Variants in COMMD7 observed in about 807,000 individuals in gnomAD.
COMMD7 encodes COMM domain-containing protein 7.
COMMD7 carries 28 observed loss-of-function variants against 34.8 expected under a neutral mutation model. The ratio of observed to expected loss-of-function variants is 0.80; its 90% CI spans 0.60 to 1.10. The LOEUF is 1.10. Ranked by LOEUF, COMMD7 falls within the 50% of genes least tolerant of loss-of-function variation. The pLI, the probability that COMMD7 is intolerant of heterozygous loss-of-function variation, is 0.00. For synonymous variants in COMMD7, 80 were observed against 86.4 expected (o/e 0.93, Z 0.41); for missense variants, 211 against 241.6 (o/e 0.87, Z 0.84).
At chr20:32,743,237 T>TCCCCCCCCC in intron 1 of COMMD7, 71 bp downstream of exon 1, 7 of 526,954 alleles carry the variant, frequency 1.3e-5, no homozygotes, top group Non-Finnish European at 2.2e-5. Context: ...CCCCCGGACG[T>TCCCCCCCCC]CCCCCCCACC....
intron 1 of COMMD7, among the ~76,000 whole-genome samples, chr20:32,735,174 G>T (rs979122128): frequency 3.3e-5 from 5 of 150,706 alleles, no homozygotes; most frequent in Non-Finnish European, 7.4e-5. Flanking sequence ...GGAGGCAGAG[G>T]TTGCAGTGAG....
chr20:32,717,693 C>T (rs909324314), intron 3 of COMMD7, among the ~76,000 whole-genome samples: 3 of 151,982 alleles, frequency 2.0e-5, no homozygotes, highest in Admixed American at 1.3e-4. Flanking sequence ...AACTCCTGGC[C>T]TCAAGAGATT....
intron 3 of COMMD7, among the ~76,000 whole-genome samples, chr20:32,716,982 C>T (rs909062005): frequency 6.6e-6 from 1 of 152,046 alleles, no homozygotes; most frequent in Non-Finnish European, 1.5e-5. Flanking sequence ...CAGGTGCCCA[C>T]CAACATGCTC....
Position 32,724,305 on chromosome 20 carries a change from CGGGA to C in COMMD7, c.241+3584_241+3587del, listed in dbSNP as rs1985384499. ...CCCCCGACCGGCCAGCCGCCCCGTC[CGGGA>C]GGGAGGTGGGGGGGTCAGCCCCCCG... is the stretch of plus-strand genomic sequence containing the variant. On this transcript the variant is annotated intron_variant, in intron 3 of 8. Coordinates refer to ENST00000278980, the MANE Select transcript of COMMD7 (RefSeq NM_053041.3). Among the ~76,000 whole-genome samples, 3 of 20,312 alleles carry C rather than the reference CGGGA, an allele frequency of 1.5e-4. 1 individual carries two copies. Among genetic ancestry groups the C allele is most frequent in the Admixed American group, 8.7e-4 (3 of 3,464 alleles). 13.3% of individuals were successfully genotyped at this position (20,312 alleles called of 152,430 possible). A position where few individuals can be genotyped will look rare whatever the true frequency, so the allele number is the denominator to read the frequency against.
Position 32,728,006 on chromosome 20 carries a change from A to C in COMMD7, c.139-11T>G. On this transcript the variant is annotated splice_polypyrimidine_tract_variant and intron_variant, in intron 2 of 8. Coordinates refer to ENST00000278980, the MANE Select transcript of COMMD7 (RefSeq NM_053041.3). ...CAGAAATCTTTCCACCTGCAGAGAG[A>C]GAACAGTGAAAACCCGGGCCTTCAC... The C allele has an allele frequency of 1.9e-6, 3 of 1,613,456 alleles. No homozygotes were observed. Among genetic ancestry groups the C allele is most frequent in the Non-Finnish European group, 2.5e-6 (3 of 1,179,438 alleles).
chr20:32,717,902 T>C (rs953373872), intron 3 of COMMD7, among the ~76,000 whole-genome samples: 1 of 151,140 alleles, frequency 6.6e-6, no homozygotes, highest in East Asian at 1.9e-4. Flanking sequence ...CTGGCTGACA[T>C]GGTAAAACCC....
At chr20:32,733,007 G>A (rs955224953) in intron 1 of COMMD7, among the ~76,000 whole-genome samples, 4 of 151,150 alleles carry the variant, frequency 2.6e-5, no homozygotes, top group Admixed American at 6.6e-5. Context: ...TGGCTGAGGC[G>A]GGCGGATCAC....
Position 32,743,297 on chromosome 20 carries a change from G to T in COMMD7, c.84+11C>A. The T allele has an allele frequency of 1.6e-6, 2 of 1,243,232 alleles. No individual in the cohort carries two copies. Among genetic ancestry groups the T allele is most frequent in the Admixed American group, 2.7e-5 (1 of 37,576 alleles). 77.0% of individuals were successfully genotyped at this position (1,243,232 alleles called of 1,614,324 possible). On this transcript the variant is annotated intron_variant, in intron 1 of 8. Coordinates refer to ENST00000278980, the MANE Select transcript of COMMD7 (RefSeq NM_053041.3). ...TGGGCCCCGCGCCCCACGCCCCGCC[G>T]CCGGGCCCACCTGCGCGCCCAGCTG...
intron 1 of COMMD7, 33 bp downstream of exon 1, chr20:32,743,255 CGGATCCTGGAATCACCTGGG>C: frequency 7.8e-7 from 1 of 1,285,610 alleles, no homozygotes; most frequent in Non-Finnish European, 1.1e-6. Context: ...ACCCCAGGCC[CGGATCCTGGAATCACCTGGG>C]CCCCGCGCCC....
chr20:32,718,353 G>C (rs11696729), intron 3 of COMMD7, among the ~76,000 whole-genome samples: 41,277 of 151,138 alleles, frequency 0.27, 6,243 homozygotes, highest in Middle Eastern at 0.39. Flanking sequence ...GCAGTGAACC[G>C]AGTTTGCGCC....
At chr20:32,727,868 A>C in intron 3 of COMMD7, 25 bp downstream of exon 3, 10 of 1,503,880 alleles carry the variant, frequency 6.6e-6, no homozygotes, top group Non-Finnish European at 8.3e-6. Flanking sequence ...GTCTCTGGCC[A>C]CAGCTGCTAA....
In COMMD7 at chr20:32,743,441, G is replaced by A; in HGVS notation, c.-50C>T. 8.0e-7 allele frequency: 1 copy of A among 1,245,088 alleles called. No homozygotes were observed. The highest frequency in any genetic ancestry group is 2.4e-5 in the South Asian group (1 of 42,220). 77.1% of individuals were successfully genotyped at this position (1,245,088 alleles called of 1,614,324 possible). On this transcript the variant is annotated 5_prime_UTR_variant, in exon 1 of 9. Transcript: ENST00000278980. The stretch of plus-strand genomic sequence containing the variant: ...TCCACCGCCGCCGCCGCCCTGCTCA[G>A]CTTCCTCCTCCGCTGCCGCTGCCAC...
rs1285332781 is a variant in COMMD7, at chr20:32,704,505, A to T, written c.428-16T>A. On this transcript the variant is annotated splice_polypyrimidine_tract_variant and intron_variant, in intron 6 of 8. Transcript: ENST00000278980. ...CCAGATGTCACTGTGACAAAAAAAA[A>T]AAAAAAGAGAGAGAGAGAGAGAAAT... 4 of 1,600,108 alleles carry T rather than the reference A, an allele frequency of 2.5e-6. No individual in the cohort carries two copies. In the African/African-American group the frequency reaches 5.4e-5, roughly 22 times the overall value.
chr20:32,716,084 C>T (rs1984758584), intron 3 of COMMD7, among the ~76,000 whole-genome samples: 1 of 152,102 alleles, frequency 6.6e-6, no homozygotes, highest in African/African-American at 2.4e-5. Context: ...AGTAAGCAAG[C>T]ACAGAAGGGC....
chr20:32,711,525 C>T (rs1984447841), intron 3 of COMMD7, among the ~76,000 whole-genome samples: 1 of 151,984 alleles, frequency 6.6e-6, no homozygotes, highest in Admixed American at 6.6e-5. Context: ...GTTCTTTCTA[C>T]ACCAGGTCAT....
chr20:32,724,944 AT>A (rs1985417230), intron 3 of COMMD7, among the ~76,000 whole-genome samples: 1 of 125,222 alleles, frequency 8.0e-6, no homozygotes, highest in Non-Finnish European at 1.7e-5. Flanking sequence ...CAATAAAAAA[AT>A]AAATTTAAAA....
chr20:32,726,392 T>C (rs1985515830), intron 3 of COMMD7, among the ~76,000 whole-genome samples: 2 of 151,554 alleles, frequency 1.3e-5, no homozygotes, highest in African/African-American at 2.4e-5. Context: ...CGAGACTCCG[T>C]CTCAAAAAAA....
At chr20:32,708,656 CT>C (rs34027862) in intron 3 of COMMD7, among the ~76,000 whole-genome samples, 71 of 135,508 alleles carry the variant, frequency 5.2e-4, no homozygotes, top group Admixed American at 1.1e-3. Flanking sequence ...ATTATTGTAA[CT>C]TTTTTTTTTT....
intron 1 of COMMD7, among the ~76,000 whole-genome samples, chr20:32,734,041 C>T (rs531692915): frequency 1.1e-4 from 16 of 151,414 alleles, no homozygotes; most frequent in East Asian, 3.9e-4. Context: ...ATTAGCCAAG[C>T]GTGGTAGGGG....
Sources: allele counts gnomAD v4.1 joint callset (sites outside exome capture counted in the v4.1 genomes callset), GRCh38; gene constraint gnomAD v4.1.1; transcripts MANE v1.5; gene names NCBI Gene and HGNC (gene_info 2026-07-23, HGNC 2026-07-21).